The following ACER3 variants were observed in gnomAD, a reference collection of about 807,000 sequenced individuals.
ACER3 encodes alkCDase 3.
Under a neutral mutation model 48.9 loss-of-function variants are expected in ACER3, and 16 were observed. The observed-to-expected ratio is 0.33, with a 90% CI of 0.22 to 0.50. The LOEUF (loss-of-function observed/expected upper bound fraction) is 0.50. Among genes scored for constraint, ACER3 ranks in the 20% least tolerant of loss-of-function variants. ACER3 has a pLI of 0.98. For synonymous variants in ACER3, 109 were observed against 107.8 expected, an observed-to-expected ratio of 1.01 and a Z score of -0.07; for missense variants, 227 against 326.0, an observed-to-expected ratio of 0.70 and a Z score of 2.34.
At chr11:76,974,014 A>G (rs1322809595) in intron 3 of ACER3, among the ~76,000 whole-genome samples, 1 of 152,198 alleles carries the variant, frequency 6.6e-6, no homozygotes, top group Admixed American at 6.5e-5. Context: ...TAGCACTCTT[A>G]TTGAAAATCA....
chr11:76,901,544 C>T (rs987311327), intron 1 of ACER3, among the ~76,000 whole-genome samples: 4 of 152,162 alleles, frequency 2.6e-5, no homozygotes, highest in Non-Finnish European at 5.9e-5. Flanking sequence ...ACTCCTCAGA[C>T]ACCGAGTTAA....
chr11:76,911,763 C>A (rs1444330025), intron 1 of ACER3, among the ~76,000 whole-genome samples: 2 of 152,176 alleles, frequency 1.3e-5, no homozygotes, highest in African/African-American at 4.8e-5. Flanking sequence ...ACACTACCTT[C>A]ACTATAAGTA....
intron 1 of ACER3, among the ~76,000 whole-genome samples, chr11:76,892,551 A>G (rs1259565544): frequency 6.6e-6 from 1 of 152,106 alleles, no homozygotes; most frequent in Non-Finnish European, 1.5e-5. Context: ...TTTTCTTTAA[A>G]GCAGTTTTTT....
chr11:76,876,698 T>C (rs1484306281), intron 1 of ACER3, among the ~76,000 whole-genome samples: 1 of 152,214 alleles, frequency 6.6e-6, no homozygotes, highest in African/African-American at 2.4e-5. Context: ...TGTCAACATT[T>C]AGTGTCAATT....
intron 1 of ACER3, among the ~76,000 whole-genome samples, chr11:76,885,581 ATTCCTTCC>A (rs1280955197): frequency 1.3e-5 from 2 of 152,114 alleles, no homozygotes; most frequent in African/African-American, 4.8e-5. Flanking sequence ...ATACAGCTTT[ATTCCTTCC>A]TGCAGGAAGG....
intron 1 of ACER3, among the ~76,000 whole-genome samples, chr11:76,865,410 G>A (rs1945054540): frequency 6.6e-6 from 1 of 151,808 alleles, no homozygotes; most frequent in South Asian, 2.1e-4. Flanking sequence ...TTTTTTGTTA[G>A]CATAATTTCT....
At chr11:76,865,855 C>T (rs930621494) in intron 1 of ACER3, among the ~76,000 whole-genome samples, 2 of 147,908 alleles carry the variant, frequency 1.4e-5, no homozygotes, top group Admixed American at 6.8e-5. Flanking sequence ...CTCATTCTGT[C>T]GCCCAGGCTG....
At chr11:76,911,782 A>G (rs1254192464) in intron 1 of ACER3, among the ~76,000 whole-genome samples, 1 of 152,232 alleles carries the variant, frequency 6.6e-6, no homozygotes, top group African/African-American at 2.4e-5. Flanking sequence ...TATCCAAAAA[A>G]GTATCATTTT....
chr11:76,861,133 ACGCCGTGTGAG>A, intron 1 of ACER3, 54 bp downstream of exon 1: 1 of 1,483,922 alleles, frequency 6.7e-7, no homozygotes, highest in Non-Finnish European at 9.1e-7. Flanking sequence ...GGCTGAGGAG[ACGCCGTGTGAG>A]GAAGGCAAAG....
intron 8 of ACER3, among the ~76,000 whole-genome samples, chr11:77,016,394 T>G (rs2135328574): frequency 6.6e-6 from 1 of 152,250 alleles, no homozygotes; most frequent in South Asian, 2.1e-4. Flanking sequence ...ATACTAAATA[T>G]TTATAAATAA....
chr11:76,909,526 T>A (rs1397188368), intron 1 of ACER3, among the ~76,000 whole-genome samples: 1 of 152,072 alleles, frequency 6.6e-6, no homozygotes, highest in East Asian at 1.9e-4. Flanking sequence ...AAAAAGCTAA[T>A]CATCACCGGT....
chr11:76,888,413 A>C (rs889285816), intron 1 of ACER3, among the ~76,000 whole-genome samples: 1 of 152,200 alleles, frequency 6.6e-6, no homozygotes, highest in Admixed American at 6.5e-5. Context: ...TATATATGGG[A>C]ATACACACAT....
At position 76,927,929 on chromosome 11, in the gene ACER3, A is replaced by C. The variant is rs189056958; in HGVS notation, c.214+1262A>C. Among the ~76,000 whole-genome samples, 408 of 152,264 alleles carry C rather than the reference A, an allele frequency of 2.7e-3. 1 individual carries two copies. The highest frequency in any genetic ancestry group is 9.1e-3 in the African/African-American group (379 of 41,530). Reference sequence around the variant, plus strand: ...AGTGCCGCAATAAACATACGTGTGCATGTGTCTTTATAGCAGCATGATTTA... The same window carrying C: ...AGTGCCGCAATAAACATACGTGTGCCTGTGTCTTTATAGCAGCATGATTTA... On this transcript the variant is annotated intron_variant, in intron 2 of 10. Transcript: ENST00000532485.
chr11:76,994,005 C>G (rs1435923411), intron 6 of ACER3, among the ~76,000 whole-genome samples: 3 of 152,196 alleles, frequency 2.0e-5, no homozygotes, highest in African/African-American at 4.8e-5. Flanking sequence ...GCACATGAAA[C>G]AGGAGTACAA....
At chr11:76,993,562 A>G (rs1948846169) in intron 6 of ACER3, among the ~76,000 whole-genome samples, 1 of 152,250 alleles carries the variant, frequency 6.6e-6, no homozygotes, top group African/African-American at 2.4e-5. Flanking sequence ...GAGGGGCTTC[A>G]GGAGAGTCTT....
At chr11:76,902,694 A>G (rs902751614) in intron 1 of ACER3, among the ~76,000 whole-genome samples, 2 of 152,236 alleles carry the variant, frequency 1.3e-5, no homozygotes, top group African/African-American at 4.8e-5. Context: ...ACTAAACACG[A>G]TAAAAATACA....
In ACER3 at chr11:76,921,583, G is replaced by A. The variant is rs759118744; in HGVS notation, c.104-4974G>A. Among the ~76,000 whole-genome samples the A allele has an allele frequency of 5.3e-5, 8 of 151,870 alleles. No homozygotes were observed. In the South Asian group the frequency reaches 1.0e-3, roughly 20 times the overall value. ...CCTGTTCTATTTAACCTTGTTAGTC[G>A]GCCTTGATATCTAGTAGTGTAAATA... On this transcript the variant is annotated intron_variant, in intron 1 of 10. Coordinates refer to ENST00000532485, the MANE Select transcript of ACER3 (RefSeq NM_018367.7).
intron 1 of ACER3, among the ~76,000 whole-genome samples, chr11:76,904,217 C>T (rs1357973825): frequency 1.3e-5 from 2 of 152,074 alleles, no homozygotes; most frequent in East Asian, 3.9e-4. Context: ...GAACTCCTGA[C>T]CTTAAGTGAT....
intron 9 of ACER3, among the ~76,000 whole-genome samples, chr11:77,019,245 GGT>G (rs1949428356): frequency 6.6e-6 from 1 of 152,338 alleles, no homozygotes; most frequent in Admixed American, 6.5e-5. Flanking sequence ...TGGATCACAA[GGT>G]CTGGGGTTCG....
Sources: gnomAD v4.1 joint callset for allele counts (sites outside exome capture counted in the v4.1 genomes callset) on GRCh38, gnomAD v4.1.1 for gene constraint, MANE v1.5 for transcripts, NCBI Gene and HGNC (gene_info 2026-07-23, HGNC 2026-07-21) for gene names.